TRMT11: variants seen among roughly 807,000 people sequenced by gnomAD.
TRMT11 encodes the protein tRNA methyltransferase 11.
TRMT11 carries 53 observed loss-of-function variants against 62.8 expected under a neutral mutation model. The ratio of observed to expected loss-of-function variants is 0.84; its 90% CI spans 0.68 to 1.06. The LOEUF is 1.06. TRMT11 is among the 50% of genes least tolerant of loss of function. The probability of loss-of-function intolerance (pLI) is 0.00; values close to 1 mark genes in which losing one functional copy is unlikely to be tolerated. For missense variants in TRMT11, 556 were observed against 553.4 expected, an observed-to-expected ratio of 1.00 and a Z score of -0.05; for synonymous variants, 188 against 190.3, an observed-to-expected ratio of 0.99 and a Z score of 0.10.
At chr6:126,196,048 C>A (rs183055344) in intron 1 of TRMT11, among the ~76,000 whole-genome samples, 34 of 152,276 alleles carry the variant, frequency 2.2e-4, no homozygotes, top group Admixed American at 3.9e-4. Flanking sequence ...GCTGAATTAA[C>A]CAACCTTAGA....
At chr6:126,042,710 A>C (rs1775915700), downstream of TRMT11, among the ~76,000 whole-genome samples, 1 of 152,182 alleles carries the variant, frequency 6.6e-6, no homozygotes, top group Non-Finnish European at 1.5e-5. Context: ...GAAGAACTCT[A>C]TTTTGGCTAA....
At position 125,993,837 on chromosome 6, in the gene TRMT11, C is replaced by T; in HGVS notation, c.138+15C>T. 6.4e-7 allele frequency: 1 copy of T among 1,552,294 alleles called. No individual in the cohort carries two copies. Among genetic ancestry groups the T allele is most frequent in the Non-Finnish European group, 8.9e-7 (1 of 1,124,582 alleles). On this transcript the variant is annotated intron_variant, in intron 2 of 12. Coordinates refer to ENST00000334379, the MANE Select transcript of TRMT11 (RefSeq NM_001031712.3). ...CTTATGGAAAGGTAAGTTAAATTTT[C>T]ATTAGACCATATGGAGTATACTTAG...
intron 1 of TRMT11, chr6:125,987,070 A>T (rs1789763831): frequency 6.0e-6 from 1 of 165,490 alleles, no homozygotes. Context: ...ACGTTTTCAG[A>T]ATGCATGTAG....
chr6:126,173,118 TA>T (rs1314683664), upstream of TRMT11, among the ~76,000 whole-genome samples: 5 of 152,196 alleles, frequency 3.3e-5, no homozygotes, highest in African/African-American at 1.2e-4. Flanking sequence ...GGTATGGCAG[TA>T]AATGAGCCTA....
the TRMT11 span, among the ~76,000 whole-genome samples, chr6:126,224,373 T>C: frequency 6.6e-6 from 1 of 152,188 alleles, no homozygotes; most frequent in African/African-American, 2.4e-5. Context: ...ATAAGTTGGG[T>C]TCAATCTGGT....
chr6:126,129,282 A>G (rs1195552610), intron 21 of TRMT11, among the ~76,000 whole-genome samples: 3 of 152,092 alleles, frequency 2.0e-5, no homozygotes, highest in Non-Finnish European at 4.4e-5. Flanking sequence ...CATGTATACA[A>G]TGGGAGATAC....
the TRMT11 span, among the ~76,000 whole-genome samples, chr6:126,247,442 TATC>T: frequency 2.0e-5 from 1 of 48,856 alleles, no homozygotes; most frequent in South Asian, 5.1e-4. Flanking sequence ...ACACAGAACA[TATC>T]TATCTATCTA....
At chr6:125,995,903 G>T in intron 2 of TRMT11, 64 bp from the exon 3 acceptor site, 2 of 974,650 alleles carry the variant, frequency 2.1e-6, no homozygotes, top group South Asian at 2.6e-5. Flanking sequence ...TTGACTTCTT[G>T]AATAAAAGCA....
intron 3 of TRMT11, among the ~76,000 whole-genome samples, chr6:126,200,765 G>A (rs1240894244): frequency 1.3e-5 from 2 of 152,140 alleles, no homozygotes; most frequent in Non-Finnish European, 2.9e-5. Context: ...GTGTTAGCCA[G>A]GATGGTTTCA....
At chr6:126,000,743 T>A (rs1792332273) in intron 7 of TRMT11, among the ~76,000 whole-genome samples, 1 of 152,116 alleles carries the variant, frequency 6.6e-6, no homozygotes. Context: ...GGAATAACTT[T>A]CTCTGTTTAT....
At chr6:126,131,817 A>G (rs893958099) in intron 21 of TRMT11, among the ~76,000 whole-genome samples, 1 of 152,040 alleles carries the variant, frequency 6.6e-6, no homozygotes, top group Non-Finnish European at 1.5e-5. Flanking sequence ...AAAGTCCTCA[A>G]AAATGGTCTT....
chr6:126,177,034 G>C (rs1404878447), upstream of TRMT11, among the ~76,000 whole-genome samples: 1 of 151,888 alleles, frequency 6.6e-6, no homozygotes, highest in Non-Finnish European at 1.5e-5. Flanking sequence ...CAAAGAAATT[G>C]TGGCTGAAGA....
At chr6:126,061,700 C>T (rs867513012) in intron 17 of TRMT11, among the ~76,000 whole-genome samples, 43 of 152,126 alleles carry the variant, frequency 2.8e-4, no homozygotes, top group Middle Eastern at 3.2e-3. Flanking sequence ...GGAGCTGTCT[C>T]ATATAGTCCT....
the TRMT11 span, among the ~76,000 whole-genome samples, chr6:126,243,771 G>T: frequency 3.9e-5 from 6 of 152,216 alleles, no homozygotes; most frequent in African/African-American, 1.2e-4. Flanking sequence ...ATCACTCCCC[G>T]GGGCCTGTTG....
chr6:126,214,600 T>C, the TRMT11 span, among the ~76,000 whole-genome samples: 5 of 152,018 alleles, frequency 3.3e-5, no homozygotes, highest in African/African-American at 4.8e-5. Flanking sequence ...CATCTCTGAT[T>C]TAATTTATTT....
chr6:126,146,134 G>A (rs62427024), intron 21 of TRMT11, among the ~76,000 whole-genome samples: 71 of 152,298 alleles, frequency 4.7e-4, no homozygotes, highest in Non-Finnish European at 7.9e-4. Flanking sequence ...TACATGATGG[G>A]AAGTGTGCAT....
At chr6:126,075,629 C>T (rs971567560) in intron 17 of TRMT11, among the ~76,000 whole-genome samples, 1 of 152,086 alleles carries the variant, frequency 6.6e-6, no homozygotes, top group African/African-American at 2.4e-5. Flanking sequence ...AACCTCTTTT[C>T]TTTATAAATT....
chr6:126,224,650 AG>A, the TRMT11 span, among the ~76,000 whole-genome samples: 259 of 152,352 alleles, frequency 1.7e-3, 2 homozygotes, highest in African/African-American at 5.9e-3. Flanking sequence ...GCACCGCAGC[AG>A]GGTCCACACA....
At chr6:126,225,685 A>ATTTTTTTTT in the TRMT11 span, among the ~76,000 whole-genome samples, 19 of 95,296 alleles carry the variant, frequency 2.0e-4, no homozygotes, top group African/African-American at 3.7e-4. Flanking sequence ...TATGTTTACT[A>ATTTTTTTTT]TTTTTTTTTT....
Sources: gnomAD v4.1 joint callset for allele counts (sites outside exome capture counted in the v4.1 genomes callset) on GRCh38, gnomAD v4.1.1 for gene constraint, MANE v1.5 for transcripts, NCBI Gene and HGNC (gene_info 2026-07-23, HGNC 2026-07-21) for gene names.